ATAD1: variants seen among roughly 807,000 people sequenced by gnomAD.
The protein encoded by ATAD1 is outer mitochondrial transmembrane helix translocase.
Under a neutral mutation model 42.7 loss-of-function variants are expected in ATAD1, and 18 were observed. The ratio of observed to expected loss-of-function variants is 0.42; its 90% confidence interval spans 0.29 to 0.63. The LOEUF (loss-of-function observed/expected upper bound fraction) is 0.63, where lower values mean the gene tolerates loss of function less well. ATAD1 is among the 20% of genes least tolerant of loss of function. The pLI is 0.19. For synonymous variants in ATAD1, 132 were observed against 143.1 expected (o/e 0.92, Z 0.55); for missense variants, 294 against 440.4 (o/e 0.67, Z 2.98).
chr10:87,834,057 CT>C (rs1310261916), intron 1 of ATAD1, among the ~76,000 whole-genome samples: 4 of 152,150 alleles, frequency 2.6e-5, no homozygotes, highest in Admixed American at 2.6e-4. Context: ...GGTCATGTAG[CT>C]TTTCCTCTTT....
At chr10:87,821,081 G>C (rs982252670), upstream of ATAD1, among the ~76,000 whole-genome samples, 2 of 152,292 alleles carry the variant, frequency 1.3e-5, no homozygotes, top group Non-Finnish European at 2.9e-5. Flanking sequence ...GTGTGTGTGT[G>C]TTTTCTGTAT....
At chr10:87,796,983 C>T (rs1013061023) in intron 2 of ATAD1, among the ~76,000 whole-genome samples, 2 of 152,158 alleles carry the variant, frequency 1.3e-5, no homozygotes, top group Non-Finnish European at 2.9e-5. Flanking sequence ...AACTCCTTTA[C>T]AGAGTTTGAG....
chr10:87,756,383 A>G (rs193130793), intron 9 of ATAD1, among the ~76,000 whole-genome samples: 267 of 152,350 alleles, frequency 1.8e-3, no homozygotes, highest in African/African-American at 6.2e-3. Flanking sequence ...TGGATTCTCA[A>G]CTTCACTATA....
At chr10:87,808,549 A>C (rs1433045189) in intron 2 of ATAD1, among the ~76,000 whole-genome samples, 5 of 152,178 alleles carry the variant, frequency 3.3e-5, no homozygotes, top group Non-Finnish European at 7.4e-5. Context: ...GGCTCCGTCT[A>C]AAAGAAAACA....
chr10:87,766,968 A>G (rs1174420149), intron 8 of ATAD1, among the ~76,000 whole-genome samples: 1 of 152,176 alleles, frequency 6.6e-6, no homozygotes, highest in Non-Finnish European at 1.5e-5. Flanking sequence ...ACAACTTCTT[A>G]AATTTAAATT....
At chr10:87,805,415 C>T (rs1345212742) in intron 2 of ATAD1, among the ~76,000 whole-genome samples, 3 of 152,326 alleles carry the variant, frequency 2.0e-5, no homozygotes, top group East Asian at 3.9e-4. Flanking sequence ...CTACCATTCA[C>T]TCTATCTGCC....
At chr10:87,778,394 C>CA (rs139644078) in intron 5 of ATAD1, among the ~76,000 whole-genome samples, 44,588 of 151,840 alleles carry the variant, frequency 0.29, 6,752 homozygotes, top group Non-Finnish European at 0.31. Flanking sequence ...CTCCCTTATC[C>CA]AAGATGCTGA....
chr10:87,783,751 A>G (rs1855681670), intron 5 of ATAD1, among the ~76,000 whole-genome samples: 1 of 151,928 alleles, frequency 6.6e-6, no homozygotes, highest in African/African-American at 2.4e-5. Flanking sequence ...ACAGCAAAGG[A>G]TAGTCTAGTT....
chr10:87,818,261 G>C (rs1857528105), upstream of ATAD1: 4 of 985,374 alleles, frequency 4.1e-6, no homozygotes, highest in Middle Eastern at 5.2e-4. Flanking sequence ...GGGAGGCGCG[G>C]CGCACTCCCT....
At chr10:87,832,011 G>A (rs1857838613) in intron 1 of ATAD1, 2 of 149,814 alleles carry the variant, frequency 1.3e-5, no homozygotes, top group African/African-American at 4.9e-5. Context: ...TCTAATTCTA[G>A]AACCTGTATT....
chr10:87,811,054 C>T (rs1360188461), intron 2 of ATAD1, among the ~76,000 whole-genome samples: 1 of 152,076 alleles, frequency 6.6e-6, no homozygotes, highest in African/African-American at 2.4e-5. Context: ...ATTTTTAGGC[C>T]AGACACAGTG....
At chr10:87,826,433 T>G (rs1857731210) in intron 1 of ATAD1, among the ~76,000 whole-genome samples, 1 of 152,212 alleles carries the variant, frequency 6.6e-6, no homozygotes, top group South Asian at 2.1e-4. Context: ...AGTTCTCAGG[T>G]TAATGAGAGA....
At chr10:87,838,283 T>G (rs1479194179) in intron 1 of ATAD1, among the ~76,000 whole-genome samples, 3 of 151,850 alleles carry the variant, frequency 2.0e-5, no homozygotes, top group Non-Finnish European at 2.9e-5. Flanking sequence ...TCCCAACAGT[T>G]TAGAAGGCCG....
intron 4 of ATAD1, among the ~76,000 whole-genome samples, chr10:87,787,759 G>A (rs749610770): frequency 1.3e-5 from 2 of 152,020 alleles, no homozygotes; most frequent in Non-Finnish European, 1.5e-5. Flanking sequence ...TGTCCAAATG[G>A]TGCAAAAATA....
At chr10:87,793,127 C>T (rs1856208197) in intron 2 of ATAD1, among the ~76,000 whole-genome samples, 1 of 152,166 alleles carries the variant, frequency 6.6e-6, no homozygotes, top group African/African-American at 2.4e-5. Context: ...AGAGGAAAGA[C>T]AGAGGAGTTA....
At chr10:87,759,643 C>A in intron 8 of ATAD1, 2 of 347,406 alleles carry the variant, frequency 5.8e-6, no homozygotes, top group East Asian at 8.2e-5. Flanking sequence ...TATAAGAAAA[C>A]AAAGAAAAGA....
At chr10:87,835,827 T>C (rs932264034) in intron 1 of ATAD1, among the ~76,000 whole-genome samples, 3 of 152,152 alleles carry the variant, frequency 2.0e-5, no homozygotes, top group African/African-American at 7.2e-5. Flanking sequence ...GTTAAAAAAG[T>C]TTTTAATGAT....
intron 6 of ATAD1, among the ~76,000 whole-genome samples, chr10:87,772,563 T>C (rs946707061): frequency 6.6e-6 from 1 of 152,050 alleles, no homozygotes; most frequent in Admixed American, 6.6e-5. Context: ...AAAGACACTG[T>C]GGTTAAGTCA....
At chr10:87,809,913 T>C (rs1210908789) in intron 2 of ATAD1, among the ~76,000 whole-genome samples, 1 of 152,136 alleles carries the variant, frequency 6.6e-6, no homozygotes. Context: ...CTCAAAGTGC[T>C]AGGATTACAG....
Sources: allele counts gnomAD v4.1 joint callset (sites outside exome capture counted in the v4.1 genomes callset), GRCh38; gene constraint gnomAD v4.1.1; transcripts MANE v1.5; gene names NCBI Gene and HGNC (gene_info 2026-07-23, HGNC 2026-07-21).